TEKT5: variants seen among roughly 807,000 people sequenced by gnomAD.
The protein encoded by TEKT5 is tektin-5.
A neutral mutation model predicts 48.7 loss-of-function variants in TEKT5; 52 were observed. The ratio of observed to expected loss-of-function variants is 1.07; its 90% CI spans 0.86 to 1.35. The LOEUF is 1.35. TEKT5 is among the 40% of genes most tolerant of loss of function. The pLI is 0.00. For missense variants in TEKT5, 831 were observed against 641.6 expected, an observed-to-expected ratio of 1.30 and a Z score of -3.19; for synonymous variants, 318 against 267.6, an observed-to-expected ratio of 1.19 and a Z score of -1.84.
rs1166568044 is a variant in TEKT5 at position 10,657,879 on chromosome 16, C to T, written c.1086+18080G>A. ...CCTCCCAAAGTGCCGGGATTACAGG[C>T]GTGAACCACTGCGCCCGGCCTCCCC... is the stretch of plus-strand genomic sequence containing the variant. On this transcript the variant is annotated intron_variant, in intron 5 of 6. Coordinates refer to ENST00000283025, the MANE Select transcript of TEKT5 (RefSeq NM_144674.2). 4.6e-5 allele frequency among the ~76,000 whole-genome samples: 7 copies of T among 151,736 alleles called. No homozygotes were observed. The East Asian group carries it at 1.2e-3, about 25-fold the overall frequency.
intron 4 of TEKT5, among the ~76,000 whole-genome samples, chr16:10,678,766 T>G (rs1183204266): frequency 6.6e-6 from 1 of 152,196 alleles, no homozygotes; most frequent in African/African-American, 2.4e-5. Flanking sequence ...CTCTAAGCCC[T>G]TGTCCTCCCC....
intron 5 of TEKT5, among the ~76,000 whole-genome samples, chr16:10,655,748 G>A (rs780093348): frequency 6.6e-6 from 1 of 152,306 alleles, no homozygotes; most frequent in East Asian, 1.9e-4. Flanking sequence ...CTTAAGATGT[G>A]ATGGTGGAGC....
intron 5 of TEKT5, among the ~76,000 whole-genome samples, chr16:10,645,592 G>C (rs1372069729): frequency 6.6e-6 from 1 of 151,978 alleles, no homozygotes; most frequent in Non-Finnish European, 1.5e-5. Flanking sequence ...CACCTGAGGA[G>C]AGGAGTTCAA....
chr16:10,665,095 G>C (rs79111545), intron 5 of TEKT5, among the ~76,000 whole-genome samples: 6 of 152,178 alleles, frequency 3.9e-5, no homozygotes, highest in Admixed American at 6.5e-5. Context: ...GGAGATGGAA[G>C]GGGAGGCTGG....
In TEKT5 at chr16:10,694,697, G is replaced by C; in HGVS notation, c.177C>G (p.Ala59=). 1.2e-6 allele frequency: 2 copies of C among 1,613,810 alleles called. No homozygotes were observed. Among genetic ancestry groups the C allele is most frequent in the Non-Finnish European group, 1.7e-6 (2 of 1,179,802 alleles). The part of the protein sequence containing the change: ...SWRPSLFYKI[A]NVQTCPDEST... ...TCTCGTCCGGGCAGGTCTGGACGTTGGCTATCTTGTAGAAGAGGCTAGGCC... is the reference window on the plus strand; with the variant it reads ...TCTCGTCCGGGCAGGTCTGGACGTTCGCTATCTTGTAGAAGAGGCTAGGCC... Residue 59 remains alanine (A), a synonymous_variant, in exon 1 of 7, where the codon GCC becomes GCG. Coordinates refer to ENST00000283025, the MANE Select transcript of TEKT5 (RefSeq NM_144674.2).
At chr16:10,660,490 G>C (rs1282697346) in intron 5 of TEKT5, among the ~76,000 whole-genome samples, 1 of 152,148 alleles carries the variant, frequency 6.6e-6, no homozygotes, top group East Asian at 1.9e-4. Context: ...GTGGGGCCCA[G>C]ACCCCCACTC....
intron 6 of TEKT5, among the ~76,000 whole-genome samples, chr16:10,633,814 A>T (rs1897874042): frequency 6.6e-6 from 1 of 152,022 alleles, no homozygotes; most frequent in South Asian, 2.1e-4. Flanking sequence ...CCAAAGTGGG[A>T]GGGACCCCAG....
At chr16:10,679,660 C>T (rs531488433) in intron 4 of TEKT5, among the ~76,000 whole-genome samples, 27 of 152,044 alleles carry the variant, frequency 1.8e-4, no homozygotes, top group African/African-American at 5.8e-4. Context: ...TTTGGGAGGC[C>T]GAGGCGGGCA....
At position 10,678,812 on chromosome 16, in the gene TEKT5, C is replaced by G. The variant is rs60009754; in HGVS notation, c.864-2631G>C. On this transcript the variant is annotated intron_variant, in intron 4 of 6. Transcript: ENST00000283025. ...AGCTGAGCTCCCCAGAGAAAATAACCCGCTTAATCACATTCTCCCTGGGGA... is the reference window on the plus strand; with the variant it reads ...AGCTGAGCTCCCCAGAGAAAATAACGCGCTTAATCACATTCTCCCTGGGGA... Among the ~76,000 whole-genome samples the G allele has an allele frequency of 6.1e-3, 936 of 152,338 alleles. 5 individuals are homozygous for G. The highest frequency in any genetic ancestry group is 0.019 in the African/African-American group (810 of 41,584).
In TEKT5 at chr16:10,635,932, C is replaced by T. The variant is rs1473359803; in HGVS notation, c.1087-14G>A. ...CTCCTGCAGCGTCTGCGAGGGAACA[C>T]ACAGGTGTCACCACCCACCAGGCCC... On this transcript the variant is annotated splice_polypyrimidine_tract_variant and intron_variant, in intron 5 of 6. Transcript: ENST00000283025. 1.2e-6 allele frequency: 2 copies of T among 1,612,056 alleles called. No homozygotes were observed. The highest frequency in any genetic ancestry group is 2.7e-5 in the African/African-American group (2 of 74,896).
intron 5 of TEKT5, among the ~76,000 whole-genome samples, chr16:10,672,249 G>C (rs1898560677): frequency 6.6e-6 from 1 of 152,092 alleles, no homozygotes; most frequent in African/African-American, 2.4e-5. Context: ...ATTCATGCAT[G>C]CTTCATTCTT....
intron 5 of TEKT5, among the ~76,000 whole-genome samples, chr16:10,643,841 C>G: frequency 6.6e-6 from 1 of 152,036 alleles, no homozygotes; most frequent in Non-Finnish European, 1.5e-5. Context: ...AGTTCCAGAC[C>G]AGCCTGGGCC....
At chr16:10,685,115 C>T (rs970307434) in intron 3 of TEKT5, among the ~76,000 whole-genome samples, 1 of 152,236 alleles carries the variant, frequency 6.6e-6, no homozygotes, top group African/African-American at 2.4e-5. Flanking sequence ...CACTGCCCAG[C>T]GACAAACAGC....
intron 5 of TEKT5, chr16:10,671,890 G>A (rs1898554708): frequency 1.3e-5 from 2 of 152,128 alleles, no homozygotes; most frequent in African/African-American, 2.4e-5. Flanking sequence ...CTGCCCCCAT[G>A]GTTCAATTAC....
At chr16:10,652,451 A>AACACACACACACACAC (rs572277672) in intron 5 of TEKT5, among the ~76,000 whole-genome samples, 3 of 66,730 alleles carry the variant, frequency 4.5e-5, no homozygotes, top group African/African-American at 6.5e-5. Flanking sequence ...TACACAGGCA[A>AACACACACACACACAC]ACACACACAC....
chr16:10,690,689 G>A (rs1216393844), intron 1 of TEKT5: 1 of 985,304 alleles, frequency 1.0e-6, no homozygotes, highest in Non-Finnish European at 1.2e-6. Flanking sequence ...CCTAGCCCTG[G>A]GCCTTACAAC....
intron 4 of TEKT5, among the ~76,000 whole-genome samples, chr16:10,677,320 G>A (rs983851849): frequency 7.7e-6 from 1 of 129,220 alleles, no homozygotes; most frequent in East Asian, 2.6e-4. Context: ...ATTAGAAAAT[G>A]TATGAAGTGC....
At chr16:10,672,876 A>G (rs1294799310) in intron 5 of TEKT5, among the ~76,000 whole-genome samples, 1 of 149,714 alleles carries the variant, frequency 6.7e-6, no homozygotes, top group Non-Finnish European at 1.5e-5. Context: ...TTTTTGAGAC[A>G]AGATCTTGCT....
intron 3 of TEKT5, among the ~76,000 whole-genome samples, chr16:10,688,760 A>G (rs1898910730): frequency 6.6e-6 from 1 of 152,194 alleles, no homozygotes; most frequent in Admixed American, 6.5e-5. Flanking sequence ...AAGAACAAAA[A>G]GCTGATTTTG....
Sources: allele counts gnomAD v4.1 joint callset (sites outside exome capture counted in the v4.1 genomes callset), GRCh38; gene constraint gnomAD v4.1.1; transcripts MANE v1.5; gene names NCBI Gene and HGNC (gene_info 2026-07-23, HGNC 2026-07-21).